The following ADAM23 variants were observed in gnomAD, a reference collection of about 807,000 sequenced individuals.
The protein encoded by ADAM23 is ADAM metallopeptidase domain 23.
A neutral mutation model predicts 120.1 loss-of-function variants in ADAM23; 33 were observed. That is an observed-to-expected ratio of 0.27 (90% CI 0.21 to 0.37). The LOEUF (loss-of-function observed/expected upper bound fraction) is 0.37, where lower values mean the gene tolerates loss of function less well. Ranked by LOEUF, ADAM23 falls within the 10% of genes least tolerant of loss-of-function variation. The pLI, the probability that ADAM23 is intolerant of heterozygous loss-of-function variation, is 1.00. For synonymous variants in ADAM23, 367 were observed against 375.2 expected, an observed-to-expected ratio of 0.98 and a Z score of 0.25; for missense variants, 862 against 1,058.2, an observed-to-expected ratio of 0.81 and a Z score of 2.57.
At chr2:206,609,572 T>G (rs534922693) in intron 24 of ADAM23, among the ~76,000 whole-genome samples, 1 of 152,300 alleles carries the variant, frequency 6.6e-6, no homozygotes, top group East Asian at 1.9e-4. Flanking sequence ...CTCTCTGTGC[T>G]TTTACTTATT....
At chr2:206,488,118 A>T (rs527275451) in intron 3 of ADAM23, among the ~76,000 whole-genome samples, 1 of 152,356 alleles carries the variant, frequency 6.6e-6, no homozygotes, top group South Asian at 2.1e-4. Flanking sequence ...AGCTACACTG[A>T]TATAGTTTCA....
At chr2:206,573,775 G>GT (rs1698056449) in intron 18 of ADAM23, among the ~76,000 whole-genome samples, 2 of 151,472 alleles carry the variant, frequency 1.3e-5, no homozygotes, top group South Asian at 4.2e-4. Context: ...ATGATGCCGT[G>GT]TTTTAAACCT....
intron 14 of ADAM23, among the ~76,000 whole-genome samples, chr2:206,566,491 G>A (rs888770360): frequency 4.0e-5 from 6 of 151,870 alleles, no homozygotes; most frequent in African/African-American, 1.2e-4. Flanking sequence ...AACTAACCAT[G>A]TGTATAATAT....
chr2:206,595,469 A>T (rs1698505849), intron 23 of ADAM23, among the ~76,000 whole-genome samples: 1 of 148,568 alleles, frequency 6.7e-6, no homozygotes, highest in African/African-American at 2.5e-5. Context: ...GTTACCAAGG[A>T]CTAGGGGTGT....
Position 206,547,414 on chromosome 2 carries a change from A to G in ADAM23, c.721-15A>G. On this transcript the variant is annotated splice_polypyrimidine_tract_variant and intron_variant, in intron 6 of 25. Coordinates refer to ENST00000264377, the MANE Select transcript of ADAM23 (RefSeq NM_003812.4). The stretch of plus-strand genomic sequence containing the variant: ...CATCTTGCTTTCTAAATTGCCTACA[A>G]TTGTTTTGTTTCAGAAAAGCACAGG... 6.2e-7 allele frequency: 1 copy of G among 1,607,922 alleles called. No homozygotes were observed. Among genetic ancestry groups the G allele is most frequent in the East Asian group, 2.2e-5 (1 of 44,762 alleles).
chr2:206,614,997 G>C (rs1286764687), intron 25 of ADAM23, among the ~76,000 whole-genome samples: 3 of 152,160 alleles, frequency 2.0e-5, no homozygotes, highest in African/African-American at 4.8e-5. Flanking sequence ...TGAGCTCAGT[G>C]TATGGTGGCC....
intron 18 of ADAM23, among the ~76,000 whole-genome samples, chr2:206,581,987 C>G (rs959215082): frequency 2.0e-5 from 3 of 152,142 alleles, no homozygotes; most frequent in Non-Finnish European, 4.4e-5. Flanking sequence ...AAGTGATTCT[C>G]CTGCCTCAGC....
At chr2:206,600,177 G>A (rs1698612487) in intron 24 of ADAM23, among the ~76,000 whole-genome samples, 1 of 152,130 alleles carries the variant, frequency 6.6e-6, no homozygotes, top group African/African-American at 2.4e-5. Flanking sequence ...ACTCCAACCT[G>A]GGCAACAGAG....
intron 14 of ADAM23, among the ~76,000 whole-genome samples, chr2:206,566,524 A>ATAT (rs1697886195): frequency 6.6e-6 from 1 of 152,140 alleles, no homozygotes; most frequent in African/African-American, 2.4e-5. Context: ...TGACATAGAG[A>ATAT]TATTATATTT....
intron 3 of ADAM23, among the ~76,000 whole-genome samples, chr2:206,493,981 A>C (rs1384790321): frequency 6.6e-6 from 1 of 152,218 alleles, no homozygotes; most frequent in Non-Finnish European, 1.5e-5. Context: ...TTTATTGAAG[A>C]TAATGGACAG....
At chr2:206,593,792 A>G (rs1388364432) in intron 22 of ADAM23, among the ~76,000 whole-genome samples, 1 of 152,084 alleles carries the variant, frequency 6.6e-6, no homozygotes, top group East Asian at 1.9e-4. Context: ...TAGTGACTAT[A>G]GCATTATCAT....
At chr2:206,470,918 A>T (rs919954324) in intron 2 of ADAM23, among the ~76,000 whole-genome samples, 1 of 152,166 alleles carries the variant, frequency 6.6e-6, no homozygotes, top group African/African-American at 2.4e-5. Context: ...GAAAGCAAAG[A>T]CCACTTAGGA....
At chr2:206,612,637 T>C (rs1413230288) in intron 25 of ADAM23, among the ~76,000 whole-genome samples, 1 of 152,206 alleles carries the variant, frequency 6.6e-6, no homozygotes, top group African/African-American at 2.4e-5. Context: ...GTGAGTAGTT[T>C]AGATGTAGAA....
intron 2 of ADAM23, among the ~76,000 whole-genome samples, chr2:206,458,756 T>C (rs1274891385): frequency 6.6e-6 from 1 of 152,188 alleles, no homozygotes; most frequent in Non-Finnish European, 1.5e-5. Flanking sequence ...GTATTCCAAT[T>C]AGACATCCAC....
intron 2 of ADAM23, among the ~76,000 whole-genome samples, chr2:206,461,289 T>C (rs1289324178): frequency 1.3e-5 from 2 of 152,122 alleles, no homozygotes; most frequent in East Asian, 1.9e-4. Flanking sequence ...CTTGAACTCC[T>C]GACCTCAAGT....
chr2:206,578,237 G>T (rs1314898829), intron 18 of ADAM23, among the ~76,000 whole-genome samples: 1 of 152,012 alleles, frequency 6.6e-6, no homozygotes, highest in East Asian at 1.9e-4. Flanking sequence ...TGGGGTACAG[G>T]TGGTATTTGG....
chr2:206,576,062 C>T (rs1000280601), intron 18 of ADAM23, among the ~76,000 whole-genome samples: 4 of 151,948 alleles, frequency 2.6e-5, no homozygotes, highest in Non-Finnish European at 4.4e-5. Context: ...ATGTTCAGGC[C>T]GTGTTTTCAT....
chr2:206,454,727 A>G (rs1695260913), intron 2 of ADAM23, among the ~76,000 whole-genome samples: 1 of 152,232 alleles, frequency 6.6e-6, no homozygotes, highest in African/African-American at 2.4e-5. Flanking sequence ...ACATTGGCCA[A>G]AATAAAGGGG....
chr2:206,501,336 A>G (rs1696382804), intron 3 of ADAM23, among the ~76,000 whole-genome samples: 1 of 151,984 alleles, frequency 6.6e-6, no homozygotes, highest in South Asian at 2.1e-4. Context: ...ATTGCTATCA[A>G]GTACTTTTTT....
Sources: allele counts gnomAD v4.1 joint callset (sites outside exome capture counted in the v4.1 genomes callset), GRCh38; gene constraint gnomAD v4.1.1; transcripts MANE v1.5; gene names NCBI Gene and HGNC (gene_info 2026-07-23, HGNC 2026-07-21).